LRP1B: variants seen among roughly 807,000 people sequenced by gnomAD.
The protein encoded by LRP1B is low-density lipoprotein receptor-related protein 1B.
A neutral mutation model predicts 556.6 loss-of-function variants in LRP1B; 217 were observed. The observed-to-expected ratio is 0.39, with a 90% CI of 0.35 to 0.44. LRP1B has a LOEUF of 0.44. LRP1B is among the 20% of genes least tolerant of loss of function. LRP1B has a pLI of 1.00. For missense variants in LRP1B, 5,053 were observed against 5,620.8 expected (o/e 0.90, Z 3.23); for synonymous variants, 2,047 against 1,865.8 (o/e 1.10, Z -2.50).
At chr2:140,956,598 C>T (rs1189704006) in intron 18 of LRP1B, among the ~76,000 whole-genome samples, 1 of 151,668 alleles carries the variant, frequency 6.6e-6, no homozygotes, top group Non-Finnish European at 1.5e-5. Context: ...AGAATTGGTA[C>T]TTATATAGGA....
At chr2:140,646,090 T>C (rs1684473760) in intron 41 of LRP1B, among the ~76,000 whole-genome samples, 1 of 152,168 alleles carries the variant, frequency 6.6e-6, no homozygotes, top group Non-Finnish European at 1.5e-5. Flanking sequence ...CGCTCAAAAC[T>C]CAGTTCTCGT....
intron 20 of LRP1B, among the ~76,000 whole-genome samples, chr2:140,925,293 A>G (rs1694854461): frequency 6.6e-6 from 1 of 152,128 alleles, no homozygotes; most frequent in Non-Finnish European, 1.5e-5. Context: ...GATATTGTGA[A>G]GTCTTTAAGC....
At chr2:141,408,686 AG>A (rs1437202966) in intron 3 of LRP1B, among the ~76,000 whole-genome samples, 1 of 49,778 alleles carries the variant, frequency 2.0e-5, no homozygotes, top group African/African-American at 1.4e-4. Context: ...TAGTTATTTT[AG>A]TTTATCTCTA....
chr2:141,677,063 A>G (rs980561057), intron 2 of LRP1B, among the ~76,000 whole-genome samples: 17 of 152,180 alleles, frequency 1.1e-4, no homozygotes, highest in African/African-American at 4.1e-4. Flanking sequence ...GAAACCAAAT[A>G]ATGTTATAGA....
chr2:141,453,988 A>G (rs1185680014), intron 3 of LRP1B, among the ~76,000 whole-genome samples: 3 of 152,078 alleles, frequency 2.0e-5, no homozygotes, highest in Non-Finnish European at 4.4e-5. Context: ...TCCATTATCT[A>G]AAGTTAATTT....
At chr2:140,732,900 T>A (rs538780980) in intron 35 of LRP1B, among the ~76,000 whole-genome samples, 3 of 152,240 alleles carry the variant, frequency 2.0e-5, no homozygotes, top group Admixed American at 2.0e-4. Flanking sequence ...ATAGAACATC[T>A]TAAGAAGGGT....
chr2:140,353,463 C>T (rs564468039), intron 75 of LRP1B, among the ~76,000 whole-genome samples: 10 of 152,142 alleles, frequency 6.6e-5, no homozygotes, highest in East Asian at 5.8e-4. Context: ...TTTCCATTCA[C>T]GCAAATAGAC....
chr2:141,392,872 G>T (rs1262948933), intron 3 of LRP1B, among the ~76,000 whole-genome samples: 1 of 152,128 alleles, frequency 6.6e-6, no homozygotes, highest in Non-Finnish European at 1.5e-5. Context: ...CAGCTCCAGA[G>T]AAATCCCAAA....
chr2:141,596,744 C>G (rs1687539007), intron 2 of LRP1B, among the ~76,000 whole-genome samples: 2 of 151,830 alleles, frequency 1.3e-5, no homozygotes, highest in African/African-American at 4.8e-5. Flanking sequence ...AAATGTTAAA[C>G]CAAGATATAG....
intron 66 of LRP1B, among the ~76,000 whole-genome samples, chr2:140,410,963 G>A (rs898169558): frequency 6.6e-6 from 1 of 152,072 alleles, no homozygotes; most frequent in South Asian, 2.1e-4. Context: ...GGGTGCCGGG[G>A]TTACCTCACT....
chr2:141,807,327 G>A (rs1442074660), intron 2 of LRP1B, among the ~76,000 whole-genome samples: 2 of 151,926 alleles, frequency 1.3e-5, no homozygotes, highest in Non-Finnish European at 2.9e-5. Context: ...CATTTATAGG[G>A]AACAAGCCAA....
At chr2:141,836,380 T>A (rs1481618112) in intron 1 of LRP1B, among the ~76,000 whole-genome samples, 2 of 152,050 alleles carry the variant, frequency 1.3e-5, no homozygotes, top group African/African-American at 4.8e-5. Context: ...CATATAAAAA[T>A]ATGGATATGA....
At chr2:140,921,893 C>G (rs1694745548) in intron 21 of LRP1B, among the ~76,000 whole-genome samples, 1 of 147,692 alleles carries the variant, frequency 6.8e-6, no homozygotes, top group African/African-American at 2.6e-5. Flanking sequence ...GTGGCTTTCA[C>G]AGTGTTTTCT....
intron 41 of LRP1B, among the ~76,000 whole-genome samples, chr2:140,612,516 G>T (rs1049126072): frequency 6.6e-6 from 1 of 152,012 alleles, no homozygotes; most frequent in African/African-American, 2.4e-5. Flanking sequence ...CAACTGCTAT[G>T]AATTTCTTTA....
At chr2:141,122,522 G>A (rs1387467097) in intron 7 of LRP1B, among the ~76,000 whole-genome samples, 2 of 151,856 alleles carry the variant, frequency 1.3e-5, no homozygotes, top group African/African-American at 4.8e-5. Context: ...CTGGCCATCA[G>A]AGAAATGCAA....
intron 35 of LRP1B, among the ~76,000 whole-genome samples, chr2:140,721,782 C>T (rs1460941993): frequency 6.7e-6 from 1 of 149,736 alleles, no homozygotes; most frequent in African/African-American, 2.5e-5. Flanking sequence ...TGGTCTCGAT[C>T]TCCTGACCTC....
At chr2:140,955,256 A>C (rs1209235091) in intron 18 of LRP1B, among the ~76,000 whole-genome samples, 1 of 151,882 alleles carries the variant, frequency 6.6e-6, no homozygotes, top group Non-Finnish European at 1.5e-5. Context: ...TAAATTTAAC[A>C]TTTTTCCTGT....
chr2:141,996,982 A>G (rs1171022354), intron 1 of LRP1B, among the ~76,000 whole-genome samples: 3 of 152,136 alleles, frequency 2.0e-5, no homozygotes, highest in Non-Finnish European at 4.4e-5. Flanking sequence ...AGAGTTTATC[A>G]CCTGTAGAAG....
chr2:141,357,637 T>C (rs1044785064), intron 3 of LRP1B, among the ~76,000 whole-genome samples: 5 of 152,160 alleles, frequency 3.3e-5, no homozygotes, highest in Non-Finnish European at 5.9e-5. Flanking sequence ...TAATAGATAT[T>C]AACTGAGTAT....
Sources: allele counts gnomAD v4.1 joint callset (sites outside exome capture counted in the v4.1 genomes callset), GRCh38; gene constraint gnomAD v4.1.1; transcripts MANE v1.5; gene names NCBI Gene and HGNC (gene_info 2026-07-23, HGNC 2026-07-21).